Variants in MAPK8IP3 observed in about 807,000 individuals in gnomAD.
The protein encoded by MAPK8IP3 is mitogen-activated protein kinase 8 interacting protein 3, also known as C-Jun-amino-terminal kinase-interacting protein 3.
A neutral mutation model predicts 157.8 loss-of-function variants in MAPK8IP3; 49 were observed. The observed-to-expected ratio is 0.31, with a 90% CI of 0.25 to 0.39. The LOEUF is 0.39. Ranked by LOEUF, MAPK8IP3 falls within the 10% of genes least tolerant of loss-of-function variation. MAPK8IP3 has a pLI of 1.00. For synonymous variants in MAPK8IP3, 897 were observed against 777.7 expected (o/e 1.15, Z -2.55); for missense variants, 1,478 against 1,889.4 (o/e 0.78, Z 4.04).
intron 4 of MAPK8IP3, among the ~76,000 whole-genome samples, chr16:1,736,187 CGTCCGTGTG>C (rs2039783172): frequency 1.2e-5 from 1 of 85,174 alleles, no homozygotes; most frequent in African/African-American, 4.6e-5. Context: ...AGCGTGTGAC[CGTCCGTGTG>C]AGCATGTGTG....
At chr16:1,720,441 C>T (rs940727479) in intron 1 of MAPK8IP3, among the ~76,000 whole-genome samples, 4 of 152,170 alleles carry the variant, frequency 2.6e-5, no homozygotes, top group African/African-American at 9.7e-5. Context: ...GAACACACAC[C>T]TGCCAAAAAT....
At chr16:1,756,027 G>A (rs558331081) in intron 8 of MAPK8IP3, among the ~76,000 whole-genome samples, 1 of 152,158 alleles carries the variant, frequency 6.6e-6, no homozygotes, top group Non-Finnish European at 1.5e-5. Flanking sequence ...GCTGCCCTAC[G>A]TGCCAGCCAG....
rs138988039 is a variant in MAPK8IP3, at chr16:1,760,163, A to G, written c.1304+148A>G. ...ATCTCTGGCGGGAGGAACTTGGAGC[A>G]GGACTCTGCCTGGTTTCTTTACGAA... On this transcript the variant is annotated intron_variant, in intron 11 of 31. Transcript: ENST00000610761. The G allele has an allele frequency of 1.3e-3, 1,322 of 1,016,684 alleles. 14 individuals carry two copies. In the African/African-American group the frequency reaches 0.018, roughly 14 times the overall value. 63.0% of individuals were successfully genotyped at this position (1,016,684 alleles called of 1,614,324 possible).
chr16:1,725,184 T>TATA (rs910450425), intron 2 of MAPK8IP3, among the ~76,000 whole-genome samples: 2 of 148,924 alleles, frequency 1.3e-5, no homozygotes, highest in African/African-American at 4.9e-5. Context: ...TTATTATTAT[T>TATA]ATAAGAACAG....
At chr16:1,758,778 T>C (rs2041766367) in intron 9 of MAPK8IP3, among the ~76,000 whole-genome samples, 200 bp from the exon 10 acceptor site, 1 of 152,156 alleles carries the variant, frequency 6.6e-6, no homozygotes, top group African/African-American at 2.4e-5. Flanking sequence ...AAGGATAAAC[T>C]TTCCAGAAGG....
chr16:1,729,625 G>A (rs2039157126), intron 4 of MAPK8IP3, 47 bp downstream of exon 4: 16 of 1,527,722 alleles, frequency 1.0e-5, no homozygotes, highest in Non-Finnish European at 1.3e-5. Context: ...GCGGCGGGGC[G>A]GAGGTACGCA....
chr16:1,736,759 CGTGTGACCGTCTGTGTGACCATCCGT>C, intron 4 of MAPK8IP3, among the ~76,000 whole-genome samples: 1 of 55,714 alleles, frequency 1.8e-5, no homozygotes, highest in Non-Finnish European at 3.0e-5. Flanking sequence ...TGTGAGCATC[CGTGTGACCGTCTGTGTGACCATCCGT>C]GTGTGACCGT....
Position 1,761,652 on chromosome 16 carries a change from C to G in MAPK8IP3, c.1539+347C>G, listed in dbSNP as rs1467061785. 1.8e-4 allele frequency among the ~76,000 whole-genome samples: 25 copies of G among 137,752 alleles called. No homozygotes were observed. In the South Asian group the frequency reaches 5.4e-3, roughly 30 times the overall value. The allele number at this position is 137,752 out of a possible 152,430, so 90.4% of individuals were successfully genotyped here. On this transcript the variant is annotated intron_variant, in intron 13 of 31. Transcript: ENST00000610761. Reference sequence around the variant, plus strand: ...GCGGCCACCATTCACCATTCACAGGCGGGGCGGCCACCATTCACCATTCAC... The same window carrying G: ...GCGGCCACCATTCACCATTCACAGGGGGGGCGGCCACCATTCACCATTCAC...
At chr16:1,728,585 C>T (rs1360562332) in intron 2 of MAPK8IP3, among the ~76,000 whole-genome samples, 2 of 146,822 alleles carry the variant, frequency 1.4e-5, no homozygotes, top group Non-Finnish European at 2.9e-5. Flanking sequence ...GCCCCCCAGA[C>T]GGCCTTCACA....
intron 25 of MAPK8IP3, 85 bp downstream of exon 25, chr16:1,767,056 T>C (rs1233276390): frequency 1.3e-6 from 2 of 1,576,926 alleles, no homozygotes; most frequent in Non-Finnish European, 1.7e-6. Flanking sequence ...GTTCCAGGCC[T>C]CTCCTTAGTC....
rs548575611 is a variant in MAPK8IP3 at position 1,742,002 on chromosome 16, A to G, written c.603-1330A>G. 6.6e-6 allele frequency among the ~76,000 whole-genome samples: 1 copy of G among 152,244 alleles called. No individual in the cohort carries two copies. Among genetic ancestry groups the G allele is most frequent in the East Asian group, 1.9e-4 (1 of 5,164 alleles). On this transcript the variant is annotated intron_variant, in intron 4 of 31. Transcript: ENST00000610761. This position sits in a 1 kb window ranked among gnomAD's most constrained non-coding sequence, Gnocchi z 5.0. Reference sequence around the variant, plus strand: ...CTGTCGCCGTCTGCATCCTCCAGGCATGGCCAGAGCAGGTTCCTTGAACCC... The same window carrying G: ...CTGTCGCCGTCTGCATCCTCCAGGCGTGGCCAGAGCAGGTTCCTTGAACCC...
At chr16:1,755,707 C>T (rs991679573) in intron 8 of MAPK8IP3, among the ~76,000 whole-genome samples, 1 of 151,822 alleles carries the variant, frequency 6.6e-6, no homozygotes, top group African/African-American at 2.4e-5. Context: ...ATTACCTGGG[C>T]CTGGTGACAC....
At chr16:1,763,981 TCC>T (rs2042106917) in intron 17 of MAPK8IP3, 132 bp from the exon 18 acceptor site, 3 of 1,077,340 alleles carry the variant, frequency 2.8e-6, no homozygotes, top group Non-Finnish European at 3.9e-6. Flanking sequence ...GCCCCGCGGC[TCC>T]CACGCCCCCA....
chr16:1,738,971 C>T (rs1451226809), intron 4 of MAPK8IP3, among the ~76,000 whole-genome samples: 3 of 137,852 alleles, frequency 2.2e-5, no homozygotes, highest in South Asian at 2.5e-4. Context: ...TCTGTGTGAC[C>T]GTCCGTGTGA....
At chr16:1,758,184 T>C in intron 9 of MAPK8IP3, 25 bp downstream of exon 9, 1 of 1,613,204 alleles carries the variant, frequency 6.2e-7, no homozygotes, top group Non-Finnish European at 8.5e-7. Flanking sequence ...CTCCTGTCTG[T>C]CTCCCCTCTG....
Position 1,769,105 on chromosome 16 carries a change from G to A in MAPK8IP3, c.*281G>A. The A allele has an allele frequency of 2.1e-6, 1 of 483,564 alleles. No individual in the cohort carries two copies. Among genetic ancestry groups the A allele is most frequent in the Admixed American group, 3.5e-5 (1 of 28,980 alleles). The allele number at this position is 483,564 out of a possible 1,614,324, so 30.0% of individuals were successfully genotyped here. ...CCAGCCCAGAGTCCTCAAGTCCAGGGCACCTTGGGCCCAGCGCAGGCAGAA... is the reference window on the plus strand; with the variant it reads ...CCAGCCCAGAGTCCTCAAGTCCAGGACACCTTGGGCCCAGCGCAGGCAGAA... On this transcript the variant is annotated 3_prime_UTR_variant, in exon 32 of 32. Coordinates refer to ENST00000610761, the MANE Select transcript of MAPK8IP3 (RefSeq NM_001318852.2).
chr16:1,735,686 AGCGTCTGTGTGCCTGTCCG>A (rs1370494397), intron 4 of MAPK8IP3, among the ~76,000 whole-genome samples: 2 of 130,096 alleles, frequency 1.5e-5, no homozygotes, highest in Admixed American at 8.0e-5. Context: ...CGTCCGTGTG[AGCGTCTGTGTGCCTGTCCG>A]TGTGAGCATC....
chr16:1,718,785 CAA>C (rs985470020), intron 1 of MAPK8IP3, among the ~76,000 whole-genome samples: 10 of 125,554 alleles, frequency 8.0e-5, no homozygotes, highest in Admixed American at 8.2e-5. Context: ...AGAACCATCT[CAA>C]AAAAAAAAAA....
rs1419637882 is a variant in MAPK8IP3, at chr16:1,763,654, C to T, written c.1899-3C>T. ...AGACATCACCCATCATTCTTCCACT[C>T]AGCGACTGCACGTCCTCCGCCCGTC... On this transcript the variant is annotated splice_polypyrimidine_tract_variant and splice_region_variant and intron_variant, in intron 16 of 31. Transcript: ENST00000610761. The T allele has an allele frequency of 6.4e-7, 1 of 1,561,824 alleles. No individual in the cohort carries two copies. Among genetic ancestry groups the T allele is most frequent in the Non-Finnish European group, 8.7e-7 (1 of 1,150,478 alleles).
Sources: gnomAD v4.1 joint callset for allele counts (sites outside exome capture counted in the v4.1 genomes callset) on GRCh38, gnomAD v4.1.1 for gene constraint, Gnocchi (gnomAD v3.1) non-coding constraint, MANE v1.5 for transcripts, NCBI Gene and HGNC (gene_info 2026-07-23, HGNC 2026-07-21) for gene names.